Variants in SLCO2A1 observed in about 807,000 individuals in gnomAD.
SLCO2A1 encodes solute carrier organic anion transporter family member 2A1.
A neutral mutation model predicts 71.7 loss-of-function variants in SLCO2A1; 60 were observed. That is an observed-to-expected ratio of 0.84 (90% CI 0.68 to 1.04). The LOEUF is 1.04. Ranked by LOEUF, SLCO2A1 falls within the 50% of genes least tolerant of loss-of-function variation. SLCO2A1 has a pLI of 0.00. For missense variants in SLCO2A1, 745 were observed against 813.4 expected, an observed-to-expected ratio of 0.92 and a Z score of 1.02; for synonymous variants, 308 against 326.7, an observed-to-expected ratio of 0.94 and a Z score of 0.62.
At chr3:133,950,140 A>G (rs974978608) in intron 6 of SLCO2A1, among the ~76,000 whole-genome samples, 3 of 151,874 alleles carry the variant, frequency 2.0e-5, no homozygotes, top group Admixed American at 6.6e-5. Flanking sequence ...GAGATTATAC[A>G]CCTGGCCAAC....
intron 1 of SLCO2A1, among the ~76,000 whole-genome samples, chr3:134,025,867 G>T (rs1167871202): frequency 6.6e-6 from 1 of 152,120 alleles, no homozygotes; most frequent in East Asian, 1.9e-4. Flanking sequence ...GTTTACAAAC[G>T]CTCTCCTAAG....
chr3:133,944,081 T>C (rs1933502256), intron 10 of SLCO2A1, among the ~76,000 whole-genome samples: 1 of 152,216 alleles, frequency 6.6e-6, no homozygotes, highest in Non-Finnish European at 1.5e-5. Context: ...TCTTCTTTCC[T>C]ACAGCATGCC....
rs184185349 is a variant in SLCO2A1, at chr3:134,020,993, G to A, written c.96+8714C>T. ...ACTTGCCCACTCCATTTGAGTGGAAGCGTGGCCTCATCACCCACGGCATGC... is the reference window on the plus strand; with the variant it reads ...ACTTGCCCACTCCATTTGAGTGGAAACGTGGCCTCATCACCCACGGCATGC... On this transcript the variant is annotated intron_variant, in intron 1 of 13. Coordinates refer to ENST00000310926, the MANE Select transcript of SLCO2A1 (RefSeq NM_005630.3). 5.9e-5 allele frequency among the ~76,000 whole-genome samples: 9 copies of A among 152,280 alleles called. No homozygotes were observed. The East Asian group carries it at 1.7e-3, about 29-fold the overall frequency.
chr3:133,993,449 C>T (rs896327386), intron 1 of SLCO2A1, among the ~76,000 whole-genome samples: 2 of 151,982 alleles, frequency 1.3e-5, no homozygotes, highest in African/African-American at 4.8e-5. Context: ...TGGCAGGGGG[C>T]CAAGGGTCTG....
intron 11 of SLCO2A1, among the ~76,000 whole-genome samples, chr3:133,941,329 T>C (rs917525810): frequency 2.6e-5 from 4 of 152,312 alleles, no homozygotes; most frequent in East Asian, 1.9e-4. Context: ...GAACACCTTA[T>C]ATTTACAAAG....
intron 7 of SLCO2A1, 37 bp downstream of exon 7, chr3:133,948,855 CA>C (rs1441073451): frequency 1.2e-6 from 2 of 1,606,896 alleles, no homozygotes; most frequent in Non-Finnish European, 1.7e-6. Context: ...CCCTCCCCCG[CA>C]CTGTGCCAGC....
At chr3:133,973,045 C>T (rs1030098167) in intron 3 of SLCO2A1, among the ~76,000 whole-genome samples, 1 of 152,030 alleles carries the variant, frequency 6.6e-6, no homozygotes, top group Non-Finnish European at 1.5e-5. Context: ...AGAGGTAGAA[C>T]AAAAATATGG....
At chr3:134,021,258 C>T (rs912016384) in intron 1 of SLCO2A1, among the ~76,000 whole-genome samples, 4 of 152,110 alleles carry the variant, frequency 2.6e-5, no homozygotes, top group Non-Finnish European at 5.9e-5. Flanking sequence ...GCCCACCCTA[C>T]TAGGAACTAT....
At chr3:133,970,479 T>C (rs1296117957) in intron 3 of SLCO2A1, among the ~76,000 whole-genome samples, 1 of 152,244 alleles carries the variant, frequency 6.6e-6, no homozygotes, top group Non-Finnish European at 1.5e-5. Context: ...TCCATAAGAA[T>C]ACATTTGAAG....
chr3:133,983,220 C>T (rs1228709410), intron 1 of SLCO2A1, among the ~76,000 whole-genome samples: 1 of 152,166 alleles, frequency 6.6e-6, no homozygotes, highest in Non-Finnish European at 1.5e-5. Context: ...ACCCTTAGTA[C>T]CCCGACATTA....
intron 3 of SLCO2A1, among the ~76,000 whole-genome samples, chr3:133,957,981 G>A (rs767623380): frequency 3.9e-5 from 6 of 152,214 alleles, no homozygotes; most frequent in Non-Finnish European, 8.8e-5. Flanking sequence ...TAGAGGCTGT[G>A]TCTGCCATCT....
chr3:134,019,629 T>C (rs1364845657), intron 1 of SLCO2A1, among the ~76,000 whole-genome samples: 2 of 152,162 alleles, frequency 1.3e-5, no homozygotes, highest in Non-Finnish European at 2.9e-5. Context: ...ATTGGTCAAT[T>C]ACCAGCTCTT....
chr3:134,022,213 T>C (rs1935603324), intron 1 of SLCO2A1, among the ~76,000 whole-genome samples: 2 of 152,096 alleles, frequency 1.3e-5, no homozygotes, highest in African/African-American at 2.4e-5. Flanking sequence ...GTCGAAGAAT[T>C]ATCTGCGAAA....
intron 12 of SLCO2A1, among the ~76,000 whole-genome samples, chr3:133,936,835 A>G (rs2108036041): frequency 6.6e-6 from 1 of 152,332 alleles, no homozygotes; most frequent in East Asian, 1.9e-4. Context: ...TCAAGTCTCC[A>G]GGTGAACAGG....
At chr3:134,020,167 G>A (rs1318834118) in intron 1 of SLCO2A1, among the ~76,000 whole-genome samples, 1 of 151,948 alleles carries the variant, frequency 6.6e-6, no homozygotes, top group Non-Finnish European at 1.5e-5. Context: ...ATCATGACCC[G>A]CTCATGTGCA....
At chr3:134,019,906 T>G (rs553703679) in intron 1 of SLCO2A1, among the ~76,000 whole-genome samples, 2 of 152,186 alleles carry the variant, frequency 1.3e-5, no homozygotes, top group African/African-American at 4.8e-5. Flanking sequence ...TATTGTCTTA[T>G]GCCCAATTTC....
intron 1 of SLCO2A1, among the ~76,000 whole-genome samples, chr3:134,024,804 C>G (rs1239518903): frequency 5.3e-5 from 8 of 152,126 alleles, no homozygotes; most frequent in African/African-American, 1.7e-4. Context: ...GCTAGATTAA[C>G]CAAGTACCAA....
intron 3 of SLCO2A1, among the ~76,000 whole-genome samples, chr3:133,971,937 A>G (rs754629884): frequency 6.6e-5 from 10 of 152,228 alleles, no homozygotes; most frequent in Admixed American, 1.3e-4. Context: ...CCCAGGCCAC[A>G]TACAATTTCC....
At chr3:133,968,257 C>T (rs143539116) in intron 3 of SLCO2A1, among the ~76,000 whole-genome samples, 22 of 151,624 alleles carry the variant, frequency 1.5e-4, no homozygotes, top group African/African-American at 2.2e-4. Flanking sequence ...CTCATAGACA[C>T]GCCTCCCTCA....
Sources: gnomAD v4.1 joint callset for allele counts (sites outside exome capture counted in the v4.1 genomes callset) on GRCh38, gnomAD v4.1.1 for gene constraint, MANE v1.5 for transcripts, NCBI Gene and HGNC (gene_info 2026-07-23, HGNC 2026-07-21) for gene names.